CLEC16A: variants seen among roughly 807,000 people sequenced by gnomAD.
CLEC16A encodes protein CLEC16A.
CLEC16A carries 51 observed loss-of-function variants against 109.5 expected under a neutral mutation model. The ratio of observed to expected loss-of-function variants is 0.47; its 90% CI spans 0.37 to 0.59. The LOEUF (loss-of-function observed/expected upper bound fraction) is 0.59. CLEC16A is among the 20% of genes least tolerant of loss of function. The pLI, the probability that CLEC16A is intolerant of heterozygous loss-of-function variation, is 0.00. For missense variants in CLEC16A, 1,339 were observed against 1,394.0 expected, an observed-to-expected ratio of 0.96 and a Z score of 0.63; for synonymous variants, 673 against 564.2, an observed-to-expected ratio of 1.19 and a Z score of -2.73.
rs565690346 is a variant in CLEC16A at position 11,168,432 on chromosome 16, C to T, written c.2806+1880C>T. Among the ~76,000 whole-genome samples the T allele has an allele frequency of 1.3e-4, 20 of 152,356 alleles. No individual in the cohort carries two copies. The South Asian group carries it at 3.7e-3, about 28-fold the overall frequency. ...TCCCATTTGGTGCGTCCCCAGCAGG[C>T]CTGCGGAGACAAGTGTGTAGGTCCC... On this transcript the variant is annotated intron_variant, in intron 23 of 23. Transcript: ENST00000409790.
chr16:11,156,819 C>G (rs1381941075), intron 22 of CLEC16A: 1 of 504,074 alleles, frequency 2.0e-6, no homozygotes, highest in African/African-American at 2.0e-5. Context: ...AAGATCTGGT[C>G]CACCTGTGTC....
chr16:11,128,328 A>G (rs2052970258), intron 22 of CLEC16A, among the ~76,000 whole-genome samples: 1 of 152,202 alleles, frequency 6.6e-6, no homozygotes, highest in Admixed American at 6.5e-5. Flanking sequence ...CCGGTGGGTG[A>G]GAACATCAAA....
At chr16:11,015,873 C>G (rs1292775732) in intron 11 of CLEC16A, among the ~76,000 whole-genome samples, 2 of 152,184 alleles carry the variant, frequency 1.3e-5, no homozygotes, top group African/African-American at 4.8e-5. Context: ...GGAGAACTTG[C>G]AGCTGTAGGG....
At chr16:11,147,759 A>G (rs2054127090) in intron 22 of CLEC16A, among the ~76,000 whole-genome samples, 1 of 152,236 alleles carries the variant, frequency 6.6e-6, no homozygotes, top group Non-Finnish European at 1.5e-5. Flanking sequence ...CTGTCATCCG[A>G]CAGCACATAA....
At chr16:11,072,267 G>A (rs371772438) in intron 19 of CLEC16A, among the ~76,000 whole-genome samples, 14 of 152,006 alleles carry the variant, frequency 9.2e-5, no homozygotes, top group African/African-American at 3.1e-4. Context: ...CTACTGGCAC[G>A]TGCCACCATG....
chr16:10,983,131 C>G (rs779827190), intron 10 of CLEC16A, 140 bp downstream of exon 10: 2 of 577,430 alleles, frequency 3.5e-6, no homozygotes, highest in Non-Finnish European at 6.2e-6. Context: ...ATTCAGTGAA[C>G]CTAATCAGAG....
chr16:11,085,361 C>T (rs1186746440), intron 19 of CLEC16A, among the ~76,000 whole-genome samples: 1 of 152,246 alleles, frequency 6.6e-6, no homozygotes, highest in Non-Finnish European at 1.5e-5. Flanking sequence ...AGAAAGCACG[C>T]TTGCTTCAGG....
intron 11 of CLEC16A, among the ~76,000 whole-genome samples, chr16:11,004,600 G>C (rs559341157): frequency 1.3e-5 from 2 of 152,056 alleles, no homozygotes; most frequent in African/African-American, 2.4e-5. Context: ...AGAGCCACTC[G>C]TTCAGTGACT....
At chr16:11,106,110 C>CCAGT (rs2051203547) in intron 19 of CLEC16A, among the ~76,000 whole-genome samples, 1 of 152,204 alleles carries the variant, frequency 6.6e-6, no homozygotes, top group Non-Finnish European at 1.5e-5. Context: ...TGCATACTGA[C>CCAGT]CAGTCACCTT....
chr16:11,168,888 T>C (rs1186543842), intron 23 of CLEC16A, among the ~76,000 whole-genome samples: 1 of 152,244 alleles, frequency 6.6e-6, no homozygotes, highest in Non-Finnish European at 1.5e-5. Flanking sequence ...AGAGTGCGAC[T>C]CAGCATTCAG....
chr16:11,140,389 T>C lies in CLEC16A; in HGVS notation c.2641+14243T>C, dbSNP rs2053767801. 2.0e-5 allele frequency among the ~76,000 whole-genome samples: 3 copies of C among 152,252 alleles called. No individual in the cohort carries two copies. In the South Asian group the frequency reaches 6.2e-4, roughly 31 times the overall value. ...TAACCCGGAAAATGCTCTGAAATAG[T>C]TGACATTTACAAAGTCTTGGGCATT... On this transcript the variant is annotated intron_variant, in intron 22 of 23. Transcript: ENST00000409790.
At chr16:11,027,841 C>CAAA in intron 13 of CLEC16A, 1 of 694,284 alleles carries the variant, frequency 1.4e-6, no homozygotes, top group Non-Finnish European at 2.5e-6. Flanking sequence ...GAATTTTTAT[C>CAAA]AAGTGTCTTC....
At chr16:11,115,030 T>G (rs1190048459) in intron 19 of CLEC16A, among the ~76,000 whole-genome samples, 1 of 152,250 alleles carries the variant, frequency 6.6e-6, no homozygotes, top group Non-Finnish European at 1.5e-5. Context: ...GGTTTTATCC[T>G]TCCTTTTTTG....
Position 11,101,391 on chromosome 16 carries a change from C to T in CLEC16A, c.2117-19224C>T, listed in dbSNP as rs188162010. ...CAGCCCCAACAAAGGACAGGAGTTTCCCAAACTCACCATGTTCCCTCCTGC... is the reference window on the plus strand; with the variant it reads ...CAGCCCCAACAAAGGACAGGAGTTTTCCAAACTCACCATGTTCCCTCCTGC... On this transcript the variant is annotated intron_variant, in intron 19 of 23. Transcript: ENST00000409790. Among the ~76,000 whole-genome samples, 212 of 152,334 alleles carry T rather than the reference C, an allele frequency of 1.4e-3. 1 individual carries two copies. Among genetic ancestry groups the T allele is most frequent in the African/African-American group, 4.8e-3 (198 of 41,576 alleles).
At chr16:11,009,922 C>T (rs2045296298) in intron 11 of CLEC16A, among the ~76,000 whole-genome samples, 1 of 152,092 alleles carries the variant, frequency 6.6e-6, no homozygotes, top group African/African-American at 2.4e-5. Flanking sequence ...GGGAGGCCAA[C>T]ACAAGAGGAT....
chr16:11,100,387 G>C (rs1269929801), intron 19 of CLEC16A, among the ~76,000 whole-genome samples: 1 of 152,152 alleles, frequency 6.6e-6, no homozygotes, highest in East Asian at 1.9e-4. Context: ...CACACGGCCC[G>C]GCCAAAGTGA....
rs1377309786 is a variant in CLEC16A, at chr16:11,008,559, A to G, written c.1303+5254A>G. 4.6e-5 allele frequency among the ~76,000 whole-genome samples: 7 copies of G among 151,996 alleles called. No homozygotes were observed. In the East Asian group the frequency reaches 1.2e-3, roughly 25 times the overall value. On this transcript the variant is annotated intron_variant, in intron 11 of 23. Transcript: ENST00000409790. ...CTGGCCCACACCAGTGCCTCCCCAC[A>G]TAGGCACTAGTTGGACAACAAGTGG...
intron 2 of CLEC16A, 100 bp from the exon 3 acceptor site, chr16:10,962,355 A>G: frequency 7.0e-7 from 1 of 1,422,512 alleles, no homozygotes; most frequent in Middle Eastern, 1.9e-4. Context: ...CTTGGGGGAG[A>G]GGGGTGAATC....
At chr16:10,965,919 C>G (rs75060925) in intron 3 of CLEC16A, among the ~76,000 whole-genome samples, 4,329 of 152,254 alleles carry the variant, frequency 0.028, 70 homozygotes, top group African/African-American at 0.034. Context: ...GAGAGACTCA[C>G]AGTTGCACAT....
Sources: gnomAD v4.1 joint callset for allele counts (sites outside exome capture counted in the v4.1 genomes callset) on GRCh38, gnomAD v4.1.1 for gene constraint, MANE v1.5 for transcripts, NCBI Gene and HGNC (gene_info 2026-07-23, HGNC 2026-07-21) for gene names.